VSIR: variants seen among roughly 807,000 people sequenced by gnomAD.
VSIR encodes the protein V-type immunoglobulin domain-containing suppressor of T-cell activation.
A neutral mutation model predicts 31.0 loss-of-function variants in VSIR; 10 were observed. The observed-to-expected ratio is 0.32, with a 90% confidence interval of 0.20 to 0.55. The LOEUF (loss-of-function observed/expected upper bound fraction) is 0.55, where lower values mean the gene tolerates loss of function less well. VSIR is among the 20% of genes least tolerant of loss of function. VSIR has a pLI of 0.93. For synonymous variants in VSIR, 179 were observed against 180.1 expected (o/e 0.99, Z 0.05); for missense variants, 356 against 416.2 (o/e 0.86, Z 1.26).
At chr10:71,768,470 C>T (rs182025423) in intron 1 of VSIR, among the ~76,000 whole-genome samples, 8 of 152,110 alleles carry the variant, frequency 5.3e-5, no homozygotes, top group Non-Finnish European at 7.4e-5. Flanking sequence ...TGTGCCTGGC[C>T]GTTTGGTTGG....
In VSIR at chr10:71,751,821, G is replaced by A. The variant is rs148949180; in HGVS notation, c.745C>T (p.Pro249Ser). The A allele has an allele frequency of 5.1e-6, 8 of 1,574,330 alleles. No individual in the cohort carries two copies. Among genetic ancestry groups the A allele is most frequent in the Non-Finnish European group, 6.9e-6 (8 of 1,161,594 alleles). The change falls in exon 6 of 7, where the codon CCA (proline) becomes TCA (serine). Residue 249 changes from proline to serine, a missense_variant. Pro to Ser is a moderately conservative substitution (Grantham distance 74, BLOSUM62 -1). Around this residue, in one of 2 missense-constraint regions of VSIR, gnomAD observed 190 missense variants for 185.2 expected, o/e 1.03. Transcript: ENST00000394957. The surrounding 1 kb of genome is among the most constrained non-coding windows in gnomAD (Gnocchi z 4.9). ...GIENPGFEAS[P>S]PAQGIPEAKV... Reference sequence around the variant, plus strand: ...GCCTCGGGTATCCCCTGGGCAGGTGGTGAGGCTTCAAAGCCGGGGTTTTCA... The same window carrying A: ...GCCTCGGGTATCCCCTGGGCAGGTGATGAGGCTTCAAAGCCGGGGTTTTCA...
rs1839988395 is a variant in VSIR at position 71,751,200 on chromosome 10, C to T, written c.*53G>A. On this transcript the variant is annotated 3_prime_UTR_variant, in exon 7 of 7. Transcript: ENST00000394957. This position sits in a 1 kb window ranked among gnomAD's most constrained non-coding sequence, Gnocchi z 4.9. ...GCCACTCACAGAGCCAGCCCTGGCT[C>T]AAATGCACCTGCCCCAGACCCAGCC... 1 of 1,579,984 alleles carries T rather than the reference C, an allele frequency of 6.3e-7. No homozygotes were observed.
rs549521942 is a variant in VSIR at position 71,759,743 on chromosome 10, C to T, written c.568+1125G>A. ...AGAAGAATCGCTTGAATCCGGGAGGCGGAGGTTGCAGTGAGCCCAGATCGC... is the reference window on the plus strand; with the variant it reads ...AGAAGAATCGCTTGAATCCGGGAGGTGGAGGTTGCAGTGAGCCCAGATCGC... On this transcript the variant is annotated intron_variant, in intron 3 of 6. Transcript: ENST00000394957. Among the ~76,000 whole-genome samples the T allele has an allele frequency of 3.0e-4, 45 of 150,652 alleles. No individual in the cohort carries two copies. In the South Asian group the frequency reaches 4.9e-3, roughly 16 times the overall value.
chr10:71,753,919 C>T (rs1477182417), intron 4 of VSIR: 5 of 455,888 alleles, frequency 1.1e-5, no homozygotes, highest in Admixed American at 7.1e-5. Context: ...TCATCTCATC[C>T]TCTGTGCCAC....
intron 4 of VSIR, 47 bp from the exon 5 acceptor site, chr10:71,753,049 C>T: frequency 6.3e-7 from 1 of 1,599,858 alleles, no homozygotes; most frequent in African/African-American, 1.3e-5. Flanking sequence ...GGAAGGCTTC[C>T]CCATACAACA....
intron 3 of VSIR, 89 bp downstream of exon 3, chr10:71,760,779 T>G: frequency 1.6e-6 from 2 of 1,276,462 alleles, no homozygotes; most frequent in Non-Finnish European, 2.3e-6. Context: ...CTTGGGGTGA[T>G]GAGGCCAGAG....
chr10:71,772,385 A>AC (rs1245861299), intron 1 of VSIR, among the ~76,000 whole-genome samples: 1 of 151,790 alleles, frequency 6.6e-6, no homozygotes, highest in African/African-American at 2.4e-5. Context: ...CATGACTCAT[A>AC]CTTTCCCTGG....
At chr10:71,759,781 C>A (rs1174866450) in intron 3 of VSIR, among the ~76,000 whole-genome samples, 1 of 149,982 alleles carries the variant, frequency 6.7e-6, no homozygotes, top group Admixed American at 6.7e-5. Context: ...CACTGCACTC[C>A]AGCCTGGGTA....
At position 71,761,974 on chromosome 10, in the gene VSIR, G is replaced by A. The variant is rs112139772; in HGVS notation, c.135C>T (p.Pro45=). Residue 45 remains proline (P), a synonymous_variant, in exon 2 of 7, where the codon CCC becomes CCT. Transcript: ENST00000394957. ...AGGTGAGGGTGACGTTCTGCCCCTC[G>A]GGACAGACATACAGGGAATACGGCG... is the stretch of plus-strand genomic sequence containing the variant. The part of the protein sequence containing the change: ...VATPYSLYVC[P]EGQNVTLTCR... 1.7e-4 allele frequency: 269 copies of A among 1,613,644 alleles called. 4 individuals carry two copies. The highest frequency in any genetic ancestry group is 7.7e-4 in the South Asian group (70 of 91,070).
At chr10:71,767,286 T>C (rs1457646774) in intron 1 of VSIR, among the ~76,000 whole-genome samples, 4 of 152,184 alleles carry the variant, frequency 2.6e-5, no homozygotes, top group African/African-American at 4.8e-5. Context: ...GTATTTTTCA[T>C]GACAGGGCGT....
At chr10:71,761,145 G>C (rs545508585) in intron 2 of VSIR, among the ~76,000 whole-genome samples, 1 of 152,046 alleles carries the variant, frequency 6.6e-6, no homozygotes, top group African/African-American at 2.4e-5. Flanking sequence ...GTGAATACCC[G>C]CTGGTGCCCA....
intron 1 of VSIR, among the ~76,000 whole-genome samples, chr10:71,765,195 T>C (rs1840504621): frequency 6.6e-6 from 1 of 152,236 alleles, no homozygotes; most frequent in South Asian, 2.1e-4. Context: ...TCCCAGCTTC[T>C]GCCCCTTTCT....
At chr10:71,755,740 A>G (rs1288093477) in intron 3 of VSIR, among the ~76,000 whole-genome samples, 1 of 152,200 alleles carries the variant, frequency 6.6e-6, no homozygotes, top group Admixed American at 6.5e-5. Flanking sequence ...GAGGGAACAG[A>G]GTCCTCATCC....
At chr10:71,760,140 T>TATATATGTGTGTATATATATGTATATAC in intron 3 of VSIR, among the ~76,000 whole-genome samples, 1 of 24,488 alleles carries the variant, frequency 4.1e-5, no homozygotes, top group Non-Finnish European at 9.3e-5. Context: ...TGTATATACA[T>TATATATGTGTGTATATATATGTATATAC]ATATATGTGT....
Position 71,773,072 on chromosome 10 carries a change from TCTGGGCAGGGAAGGG to T in VSIR, c.82+271_82+285del, listed in dbSNP as rs111340797. ...CAGAAGCTACCTGTGCCCTGGGTTC[TCTGGGCAGGGAAGGG>T]CTGGACAGGCAGCCCTCAGGGGACA... On this transcript the variant is annotated intron_variant, in intron 1 of 6. Transcript: ENST00000394957. 5.0e-3 allele frequency among the ~76,000 whole-genome samples: 769 copies of T among 152,324 alleles called. 9 individuals carry two copies. Among genetic ancestry groups the T allele is most frequent in the African/African-American group, 0.018 (728 of 41,562 alleles).
rs1420064238 is a variant in VSIR, at chr10:71,750,182, A to G, written c.*1071T>C. Reference sequence around the variant, plus strand: ...CCCACAAGCAGGAGATGGGAACATCACCCGCACCTGGCCGAATGGCTCTGA... The same window carrying G: ...CCCACAAGCAGGAGATGGGAACATCGCCCGCACCTGGCCGAATGGCTCTGA... On this transcript the variant is annotated 3_prime_UTR_variant, in exon 7 of 7. Coordinates refer to ENST00000394957, the MANE Select transcript of VSIR (RefSeq NM_022153.2). 6.6e-6 allele frequency: 1 copy of G among 152,116 alleles called. No individual in the cohort carries two copies. 9.4% of individuals were successfully genotyped at this position (152,116 alleles called of 1,614,324 possible).
In VSIR at chr10:71,751,067, C is replaced by T. The variant is rs1390456920; in HGVS notation, c.*186G>A. 4.4e-6 allele frequency: 3 copies of T among 685,372 alleles called. No individual in the cohort carries two copies. Among genetic ancestry groups the T allele is most frequent in the Non-Finnish European group, 2.4e-6 (1 of 416,280 alleles). The allele number at this position is 685,372 out of a possible 1,614,324, so 42.5% of individuals were successfully genotyped here. On this transcript the variant is annotated 3_prime_UTR_variant, in exon 7 of 7. Transcript: ENST00000394957. This position sits in a 1 kb window ranked among gnomAD's most constrained non-coding sequence, Gnocchi z 4.9. ...ATCCTTGGAACAGGGGCTGAGCCGT[C>T]CAGCATCCCCATGTAGCATCCAGAG...
chr10:71,759,761 C>T (rs1231987363), intron 3 of VSIR, among the ~76,000 whole-genome samples: 1 of 150,490 alleles, frequency 6.6e-6, no homozygotes. Flanking sequence ...GCAGTGAGCC[C>T]AGATCGCGCC....
At chr10:71,768,158 T>A (rs1400780221) in intron 1 of VSIR, among the ~76,000 whole-genome samples, 1 of 152,196 alleles carries the variant, frequency 6.6e-6, no homozygotes, top group African/African-American at 2.4e-5. Flanking sequence ...TTTGGTTGGC[T>A]TTGTTGCTGT....
Sources: allele counts gnomAD v4.1 joint callset (sites outside exome capture counted in the v4.1 genomes callset), GRCh38; gene constraint gnomAD v4.1.1; regional missense constraint gnomAD v4.1.1; non-coding constraint Gnocchi (gnomAD v3.1); transcripts MANE v1.5; gene names NCBI Gene and HGNC (gene_info 2026-07-23, HGNC 2026-07-21).